Variants in LCN1 observed in about 807,000 individuals in gnomAD.
LCN1 encodes lipocalin 1, also known as lipocalin-1.
In LCN1, 25 loss-of-function variants were observed where a neutral mutation model predicts 22.3. That is an observed-to-expected ratio of 1.12 (90% confidence interval 0.82 to 1.56). The LOEUF (loss-of-function observed/expected upper bound fraction) is 1.56. Among genes scored for constraint, LCN1 ranks in the 40% most tolerant of loss-of-function variants. The pLI, the probability that LCN1 is intolerant of heterozygous loss-of-function variation, is 0.00. For missense variants in LCN1, 219 were observed against 235.6 expected (o/e 0.93, Z 0.46); for synonymous variants, 85 against 97.6 (o/e 0.87, Z 0.76).
intron 2 of LCN1, 33 bp downstream of exon 2, chr9:135,522,210 A>G: frequency 6.3e-7 from 1 of 1,595,824 alleles, no homozygotes. Flanking sequence ...GGCAGCCTGC[A>G]ACCTGGTCTA....
rs974845980 is a variant in LCN1, at chr9:135,526,507, G to A, written c.*165G>A. ...CCCCTGCCCTGCGCCCCCTCTCCTG[G>A]TTCTCCATAAAGAGCTTCAGCAGTT... On this transcript the variant is annotated 3_prime_UTR_variant, in exon 7 of 7. Coordinates refer to ENST00000371781, the MANE Select transcript of LCN1 (RefSeq NM_002297.4). The A allele has an allele frequency of 5.0e-5, 63 of 1,264,590 alleles. No homozygotes were observed. The highest frequency in any genetic ancestry group is 6.5e-5 in the Non-Finnish European group (63 of 974,794). 78.3% of individuals were successfully genotyped at this position (1,264,590 alleles called of 1,614,324 possible). A position where few individuals can be genotyped will look rare whatever the true frequency, so the allele number is the denominator to read the frequency against.
chr9:135,523,522 C>A (rs1185625153), intron 3 of LCN1, among the ~76,000 whole-genome samples: 5 of 152,210 alleles, frequency 3.3e-5, no homozygotes, highest in African/African-American at 1.2e-4. Flanking sequence ...CGGGGCGGAC[C>A]CTCTGGGCTT....
In LCN1 at chr9:135,526,467, C is replaced by G; in HGVS notation, c.*125C>G. ...ACGCGGCTGGCTGCACCCCTTCCTA[C>G]CACCCCCCGCCTTCCCCCTGCCCTG... On this transcript the variant is annotated 3_prime_UTR_variant, in exon 7 of 7. Transcript: ENST00000371781. 1 of 1,280,912 alleles carries G rather than the reference C, an allele frequency of 7.8e-7. No homozygotes were observed. The highest frequency in any genetic ancestry group is 1.0e-6 in the Non-Finnish European group (1 of 982,650). 79.3% of individuals were successfully genotyped at this position (1,280,912 alleles called of 1,614,324 possible).
intron 3 of LCN1, 104 bp from the exon 4 acceptor site, chr9:135,523,776 G>A (rs1831558516): frequency 2.2e-6 from 2 of 915,098 alleles, no homozygotes; most frequent in Admixed American, 4.0e-5. Flanking sequence ...CTGGGAGGGT[G>A]CAGGAGCTGC....
At position 135,521,573 on chromosome 9, in the gene LCN1, G is replaced by A. The variant is rs576047351; in HGVS notation, c.76G>A (p.Glu26Lys). Residue 26 changes from glutamate (E) to lysine (K), a missense_variant, in exon 1 of 7, where the codon GAG (glutamate) becomes AAG (lysine). By Grantham distance (56) the Glu-to-Lys change is moderately conservative (BLOSUM62 1). Transcript: ENST00000371781. Reference protein sequence around the residue: ...LQAHHLLASDEEIQDVSGTWY... With the variant: ...LQAHHLLASDKEIQDVSGTWY... ...GGCCCACCACCTCCTGGCCTCAGAC[G>A]AGGAGATTCAGGATGTGAGGCCCGG... 3.4e-5 allele frequency: 55 copies of A among 1,612,754 alleles called. No individual in the cohort carries two copies. The highest frequency in any genetic ancestry group is 6.7e-5 in the Admixed American group (4 of 59,928).
chr9:135,526,073 C>T (rs1192917474), intron 6 of LCN1, among the ~76,000 whole-genome samples: 1 of 115,496 alleles, frequency 8.7e-6, no homozygotes, highest in Non-Finnish European at 1.9e-5. Flanking sequence ...CACATGTGCC[C>T]CCCACACCAT....
chr9:135,525,010 CTG>C lies in LCN1; in HGVS notation c.505+82_505+83del, dbSNP rs1484453192. ...AGAGCTGCATTGCACGGGCGCATAA[CTG>C]TGCTGCGTCTAATTCTGGCTTTGTC... On this transcript the variant is annotated intron_variant, in intron 5 of 6. Transcript: ENST00000371781. 1.9e-6 allele frequency: 3 copies of C among 1,555,594 alleles called. No homozygotes were observed. In the African/African-American group the frequency reaches 4.1e-5, roughly 21 times the overall value.
Position 135,525,161 on chromosome 9 carries a change from G to A in LCN1, c.*1+3G>A. The A allele has an allele frequency of 6.2e-7, 1 of 1,613,502 alleles. No homozygotes were observed. The highest frequency in any genetic ancestry group is 8.5e-7 in the Non-Finnish European group (1 of 1,179,670). On this transcript the variant is annotated splice_donor_region_variant and intron_variant, in intron 6 of 6. Coordinates refer to ENST00000371781, the MANE Select transcript of LCN1 (RefSeq NM_002297.4). ...CTGCTCTCCAGGGAGCGATTAGGGTGAGTGAACAGCTTTAGAGGACATTTG... is the reference window on the plus strand; with the variant it reads ...CTGCTCTCCAGGGAGCGATTAGGGTAAGTGAACAGCTTTAGAGGACATTTG...
chr9:135,524,811 C>G lies in LCN1; in HGVS notation c.404-19C>G, dbSNP rs1349394203. 1 of 1,581,468 alleles carries G rather than the reference C, an allele frequency of 6.3e-7. No individual in the cohort carries two copies. Among genetic ancestry groups the G allele is most frequent in the Non-Finnish European group, 8.6e-7 (1 of 1,163,500 alleles). Reference sequence around the variant, plus strand: ...CCAGTGCTGCCTCGAGCACCCACATCTCGTCCTGGCACCCACAGGCAGAGA... The same window carrying G: ...CCAGTGCTGCCTCGAGCACCCACATGTCGTCCTGGCACCCACAGGCAGAGA... On this transcript the variant is annotated intron_variant, in intron 4 of 6. Coordinates refer to ENST00000371781, the MANE Select transcript of LCN1 (RefSeq NM_002297.4).
chr9:135,521,927 T>C, intron 1 of LCN1, 120 bp from the exon 2 acceptor site: 2 of 1,462,054 alleles, frequency 1.4e-6, no homozygotes, highest in Middle Eastern at 2.5e-4. Context: ...GTGGGTTAGA[T>C]TGGGGAACGT....
At chr9:135,524,712 T>C in intron 4 of LCN1, 118 bp from the exon 5 acceptor site, 2 of 756,696 alleles carry the variant, frequency 2.6e-6, no homozygotes, top group Non-Finnish European at 4.3e-6. Flanking sequence ...CTGGGTTCAA[T>C]TCCCCCCACG....
chr9:135,523,012 AGCGGTGCAGAGCTCCTG>A (rs1831537043), intron 2 of LCN1, among the ~76,000 whole-genome samples: 1 of 152,044 alleles, frequency 6.6e-6, no homozygotes, highest in African/African-American at 2.4e-5. Flanking sequence ...CACCAGGAGG[AGCGGTGCAGAGCTCCTG>A]GCCATCTCGG....
intron 6 of LCN1, among the ~76,000 whole-genome samples, chr9:135,525,452 G>A (rs1831614213): frequency 6.6e-6 from 1 of 152,140 alleles, no homozygotes; most frequent in East Asian, 1.9e-4. Flanking sequence ...GCAGGAGCAG[G>A]CAGGAGATTC....
Position 135,523,947 on chromosome 9 carries a change from G to A in LCN1, c.360G>A (p.Glu120=), listed in dbSNP as rs1242604355. ...AGGACCACTACATCTTTTACTGTGA[G>A]GGCGAGCTGCACGGGAAGCCGGTCC... ...HVKDHYIFYC[E]GELHGKPVRG... is the part of the protein sequence containing the mutation. The change falls in exon 4 of 7, where the codon GAG becomes GAA. Residue 120 remains glutamate, a synonymous_variant. Transcript: ENST00000371781. 1 of 1,614,104 alleles carries A rather than the reference G, an allele frequency of 6.2e-7. No homozygotes were observed. The highest frequency in any genetic ancestry group is 1.7e-5 in the Admixed American group (1 of 60,018).
At chr9:135,522,200 G>A (rs1391051587) in intron 2 of LCN1, 23 bp downstream of exon 2, 11 of 1,602,894 alleles carry the variant, frequency 6.9e-6, no homozygotes, top group Non-Finnish European at 9.4e-6. Context: ...CAGCCGGCCG[G>A]GCAGCCTGCA....
At position 135,522,160 on chromosome 9, in the gene LCN1, A is replaced by C. The variant is rs374951723; in HGVS notation, c.204A>C (p.Glu68Asp). Residue 68 changes from glutamate (E) to aspartate (D), a missense_variant, in exon 2 of 7, where the codon GAA becomes GAC. Transcript: ENST00000371781. Reference protein sequence around the residue: ...TLTTLEGGNLEAKVTMLISGR... With the variant: ...TLTTLEGGNLDAKVTMLISGR... The stretch of plus-strand genomic sequence containing the variant: ...CGACCCTGGAAGGGGGCAACCTGGA[A>C]GCCAAGGTCACCATGCTGTGAGTGT... 6.2e-7 allele frequency: 1 copy of C among 1,605,510 alleles called. No homozygotes were observed. Among genetic ancestry groups the C allele is most frequent in the Non-Finnish European group, 8.5e-7 (1 of 1,176,156 alleles).
chr9:135,523,162 A>G, intron 2 of LCN1, 70 bp from the exon 3 acceptor site: 1 of 1,430,466 alleles, frequency 7.0e-7, no homozygotes, highest in Admixed American at 1.9e-5. Context: ...AGGGCATTGC[A>G]GCATGGTTGC....
rs1294123220 is a variant in LCN1 at position 135,523,979 on chromosome 9, T to C, written c.392T>C (p.Val131Ala). Residue 131 changes from valine (V) to alanine (A), a missense_variant, in exon 4 of 7, where the codon GTG becomes GCG. By Grantham distance (64) the Val-to-Ala change is moderately conservative. Coordinates refer to ENST00000371781, the MANE Select transcript of LCN1 (RefSeq NM_002297.4). ...GELHGKPVRGVKLVGRDPKNN... is the reference protein window; with the variant it reads ...GELHGKPVRGAKLVGRDPKNN... ...CTGCACGGGAAGCCGGTCCGAGGGG[T>C]GAAGCTCGTGGGTGGGTCCCGCACC... 1.9e-6 allele frequency: 3 copies of C among 1,613,612 alleles called. No homozygotes were observed. The highest frequency in any genetic ancestry group is 1.1e-5 in the South Asian group (1 of 91,068).
chr9:135,521,897 G>T, intron 1 of LCN1, 150 bp from the exon 2 acceptor site: 1 of 1,298,400 alleles, frequency 7.7e-7, no homozygotes, highest in Non-Finnish European at 1.1e-6. Context: ...GGCCTGGCGA[G>T]GGTGCTGGGT....
Sources: allele counts gnomAD v4.1 joint callset (sites outside exome capture counted in the v4.1 genomes callset), GRCh38; gene constraint gnomAD v4.1.1; transcripts MANE v1.5; gene names NCBI Gene and HGNC (gene_info 2026-07-23, HGNC 2026-07-21).